MAPK1IP1L: variants seen among roughly 807,000 people sequenced by gnomAD.
The protein encoded by MAPK1IP1L is mitogen-activated protein kinase 1 interacting protein 1 like, also known as MAPK-interacting and spindle-stabilizing protein-like.
In MAPK1IP1L, 10 loss-of-function variants were observed where a neutral mutation model predicts 18.1. The observed-to-expected ratio is 0.55, with a 90% CI of 0.34 to 0.94. The LOEUF is 0.94. Ranked by LOEUF, MAPK1IP1L falls within the 40% of genes least tolerant of loss-of-function variation. The pLI is 0.02. For missense variants in MAPK1IP1L, 260 were observed against 318.2 expected, an observed-to-expected ratio of 0.82 and a Z score of 1.39; for synonymous variants, 115 against 117.3, an observed-to-expected ratio of 0.98 and a Z score of 0.13.
intron 1 of MAPK1IP1L, among the ~76,000 whole-genome samples, chr14:55,056,270 A>G (rs2042770524): frequency 6.6e-6 from 1 of 152,196 alleles, no homozygotes; most frequent in Non-Finnish European, 1.5e-5. Flanking sequence ...TGACTAGGTA[A>G]CTGTATAATT....
chr14:55,057,368 T>C (rs1264338398), intron 1 of MAPK1IP1L, among the ~76,000 whole-genome samples: 1 of 152,252 alleles, frequency 6.6e-6, no homozygotes, highest in Non-Finnish European at 1.5e-5. Flanking sequence ...TACCCTAGGT[T>C]AATTAATATA....
chr14:55,062,778 C>G lies in MAPK1IP1L; in HGVS notation c.179C>G (p.Ser60Cys), dbSNP rs1451510082. The change falls in exon 3 of 4, where the codon TCC becomes TGC. Residue 60 changes from serine to cysteine, a missense_variant. Physicochemically the swap from Ser to Cys is moderately radical, Grantham distance 112 (BLOSUM62 -1). Coordinates refer to ENST00000395468, the MANE Select transcript of MAPK1IP1L (RefSeq NM_144578.4). ...GGACTCCCACCAAGTGCAACACCCT[C>G]CACTGTGCCTTTTGGACCAGCACCA... Reference protein sequence around the residue: ...PSGLPPSATPSTVPFGPAPTG... With the variant: ...PSGLPPSATPCTVPFGPAPTG... 1 of 1,614,200 alleles carries G rather than the reference C, an allele frequency of 6.2e-7. No homozygotes were observed.
Position 55,067,415 on chromosome 14 carries a change from TC to T in MAPK1IP1L, c.*2789del, listed in dbSNP as rs1320125901. 1.3e-5 allele frequency: 2 copies of T among 151,402 alleles called. No individual in the cohort carries two copies. The highest frequency in any genetic ancestry group is 2.4e-5 in the African/African-American group (1 of 40,966). The allele number at this position is 151,402 out of a possible 1,614,324, so 9.4% of individuals were successfully genotyped here. A position where few individuals can be genotyped will look rare whatever the true frequency, so the allele number is the denominator to read the frequency against. On this transcript the variant is annotated 3_prime_UTR_variant, in exon 4 of 4. Transcript: ENST00000395468. ...ATCAAGAAAGGCTTTTTTCCTTTTT[TC>T]TTTTTTTTTTGGAGACAGAGTCTTG... is the stretch of plus-strand genomic sequence containing the variant.
chr14:55,058,404 T>C (rs10132692), intron 1 of MAPK1IP1L, among the ~76,000 whole-genome samples: 2,990 of 152,322 alleles, frequency 0.02, 101 homozygotes, highest in African/African-American at 0.068. Flanking sequence ...GAAAAGAGCC[T>C]ATTTACAACC....
intron 3 of MAPK1IP1L, among the ~76,000 whole-genome samples, chr14:55,064,398 T>C (rs942087466): frequency 6.6e-6 from 1 of 152,202 alleles, no homozygotes; most frequent in Non-Finnish European, 1.5e-5. Flanking sequence ...AAGAAATCTT[T>C]AAAGTACCCC....
At chr14:55,060,042 A>G (rs1307121144) in intron 1 of MAPK1IP1L, among the ~76,000 whole-genome samples, 1 of 152,084 alleles carries the variant, frequency 6.6e-6, no homozygotes, top group Non-Finnish European at 1.5e-5. Flanking sequence ...CACAAAATCC[A>G]GAAGCCACGT....
In MAPK1IP1L at chr14:55,061,625, G is replaced by A. The variant is rs1179280984; in HGVS notation, c.-4-55G>A. ...TTCCTTAAGGAATATTTAAGAAATG[G>A]TGAACACTGATTTTGAAATTTTTCT... On this transcript the variant is annotated intron_variant, in intron 1 of 3. Coordinates refer to ENST00000395468, the MANE Select transcript of MAPK1IP1L (RefSeq NM_144578.4). The A allele has an allele frequency of 3.2e-6, 4 of 1,245,152 alleles. No individual in the cohort carries two copies. In the East Asian group the frequency reaches 9.8e-5, roughly 31 times the overall value. 77.1% of individuals were successfully genotyped at this position (1,245,152 alleles called of 1,614,324 possible).
chr14:55,055,519 C>G (rs1339207954), intron 1 of MAPK1IP1L, among the ~76,000 whole-genome samples: 1 of 152,078 alleles, frequency 6.6e-6, no homozygotes, highest in African/African-American at 2.4e-5. Context: ...GATCTAATAA[C>G]CAAGATGGGC....
In MAPK1IP1L at chr14:55,051,713, C is replaced by T. The variant is rs1447654545; in HGVS notation, c.-95C>T. ...GCTGTTGCCGCCGCTGCTCTAGCTGCCGTCAGTCAGGCTGCGCCCGCGTCT... is the reference window on the plus strand; with the variant it reads ...GCTGTTGCCGCCGCTGCTCTAGCTGTCGTCAGTCAGGCTGCGCCCGCGTCT... On this transcript the variant is annotated 5_prime_UTR_variant, in exon 1 of 4. Transcript: ENST00000395468. 9.7e-6 allele frequency: 5 copies of T among 516,234 alleles called. No individual in the cohort carries two copies. Among genetic ancestry groups the T allele is most frequent in the African/African-American group, 3.9e-5 (2 of 51,556 alleles). 32.0% of individuals were successfully genotyped at this position (516,234 alleles called of 1,614,324 possible).
chr14:55,054,676 A>G (rs1227658180), intron 1 of MAPK1IP1L, among the ~76,000 whole-genome samples: 2 of 152,214 alleles, frequency 1.3e-5, no homozygotes, highest in African/African-American at 4.8e-5. Context: ...AAAAGGATTC[A>G]TGTCCGGGTT....
At chr14:55,058,824 C>T (rs2042791362) in intron 1 of MAPK1IP1L, among the ~76,000 whole-genome samples, 2 of 149,164 alleles carry the variant, frequency 1.3e-5, no homozygotes, top group Non-Finnish European at 1.5e-5. Context: ...AGAGTGAGAC[C>T]CTGTCTCAAA....
At chr14:55,064,182 T>C (rs2042843741) in intron 3 of MAPK1IP1L, among the ~76,000 whole-genome samples, 1 of 151,652 alleles carries the variant, frequency 6.6e-6, no homozygotes, top group Non-Finnish European at 1.5e-5. Flanking sequence ...TTAGTAGAGA[T>C]GGAGTTTCAC....
chr14:55,062,886 C>T lies in MAPK1IP1L; in HGVS notation c.287C>T (p.Pro96Leu). The part of the protein sequence containing the change: ...APFPPSGPSC[P>L]PPGGPYPAPT... ...TTTCCTCCTTCCGGACCATCATGTC[C>T]CCCACCTGGTGGTCCTTATCCAGCC... The change falls in exon 3 of 4, where the codon CCC becomes CTC. Residue 96 changes from proline (P) to leucine (L), a missense_variant. By Grantham distance (98) the Pro-to-Leu change is moderately conservative. Transcript: ENST00000395468. The T allele has an allele frequency of 1.9e-6, 3 of 1,614,140 alleles. No homozygotes were observed. Among genetic ancestry groups the T allele is most frequent in the East Asian group, 2.2e-5 (1 of 44,878 alleles).
chr14:55,055,829 C>T (rs2042767067), intron 1 of MAPK1IP1L, among the ~76,000 whole-genome samples: 1 of 152,142 alleles, frequency 6.6e-6, no homozygotes, highest in Admixed American at 6.5e-5. Flanking sequence ...ACTTGAGAGG[C>T]TCAGGTAGGA....
chr14:55,053,977 C>A (rs1427012472), intron 1 of MAPK1IP1L, among the ~76,000 whole-genome samples: 1 of 152,058 alleles, frequency 6.6e-6, no homozygotes, highest in African/African-American at 2.4e-5. Context: ...TTTTACATTA[C>A]ACCAGTTGAG....
intron 1 of MAPK1IP1L, among the ~76,000 whole-genome samples, chr14:55,058,251 T>C (rs983353234): frequency 1.3e-5 from 2 of 152,212 alleles, no homozygotes; most frequent in African/African-American, 4.8e-5. Context: ...GACAGTGACC[T>C]CAGCTGAGAC....
chr14:55,069,718 C>T lies in MAPK1IP1L; in HGVS notation c.*5091C>T, dbSNP rs1205704496. The stretch of plus-strand genomic sequence containing the variant: ...ATATCTGGAAACCACCCTTCCTCCG[C>T]AAACCCTCTCAGCAACATGGTGTCC... On this transcript the variant is annotated 3_prime_UTR_variant, in exon 4 of 4. Coordinates refer to ENST00000395468, the MANE Select transcript of MAPK1IP1L (RefSeq NM_144578.4). 1 of 152,190 alleles carries T rather than the reference C, an allele frequency of 6.6e-6. No homozygotes were observed. Among genetic ancestry groups the T allele is most frequent in the Non-Finnish European group, 1.5e-5 (1 of 68,040 alleles). 9.4% of individuals were successfully genotyped at this position (152,190 alleles called of 1,614,324 possible). A position where few individuals can be genotyped will look rare whatever the true frequency, so the allele number is the denominator to read the frequency against.
rs751500493 is a variant in MAPK1IP1L, at chr14:55,062,944, A to G, written c.345A>G (p.Pro115=). The stretch of plus-strand genomic sequence containing the variant: ...TGCCGGGCCCTGGCCCCACAGGGCC[A>G]TATCCTACACCAAATATGCCCTTTC... ...PTVPGPGPTG[P]YPTPNMPFPE... Residue 115 remains proline, a synonymous_variant, in exon 3 of 4, where the codon CCA becomes CCG. Transcript: ENST00000395468. 23 of 1,613,706 alleles carry G rather than the reference A, an allele frequency of 1.4e-5. No individual in the cohort carries two copies. Among genetic ancestry groups the G allele is most frequent in the Non-Finnish European group, 1.7e-5 (20 of 1,179,798 alleles).
In MAPK1IP1L at chr14:55,068,675, T is replaced by A. The variant is rs1173201212; in HGVS notation, c.*4048T>A. ...AGACTTTGATTTTAATAAAGCAATA[T>A]TTAGTATTGAAGACAAACACTTTTT... is the stretch of plus-strand genomic sequence containing the variant. On this transcript the variant is annotated 3_prime_UTR_variant, in exon 4 of 4. Coordinates refer to ENST00000395468, the MANE Select transcript of MAPK1IP1L (RefSeq NM_144578.4). 1 of 152,214 alleles carries A rather than the reference T, an allele frequency of 6.6e-6. No individual in the cohort carries two copies. The highest frequency in any genetic ancestry group is 1.5e-5 in the Non-Finnish European group (1 of 68,038). 9.4% of individuals were successfully genotyped at this position (152,214 alleles called of 1,614,324 possible). A position where few individuals can be genotyped will look rare whatever the true frequency, so the allele number is the denominator to read the frequency against.
Sources: allele counts gnomAD v4.1 joint callset (sites outside exome capture counted in the v4.1 genomes callset), GRCh38; gene constraint gnomAD v4.1.1; transcripts MANE v1.5; gene names NCBI Gene and HGNC (gene_info 2026-07-23, HGNC 2026-07-21).